Variants in SUGCT observed in about 807,000 individuals in gnomAD.
The protein encoded by SUGCT is succinyl-CoA:glutarate-CoA transferase.
SUGCT carries 41 observed loss-of-function variants against 55.0 expected under a neutral mutation model. The ratio of observed to expected loss-of-function variants is 0.74; its 90% CI spans 0.58 to 0.97. SUGCT has a LOEUF of 0.97. Ranked by LOEUF, SUGCT falls within the 50% of genes least tolerant of loss-of-function variation. SUGCT has a pLI of 0.00. For missense variants in SUGCT, 568 were observed against 547.8 expected, an observed-to-expected ratio of 1.04 and a Z score of -0.37; for synonymous variants, 187 against 200.4, an observed-to-expected ratio of 0.93 and a Z score of 0.56.
At chr7:40,727,846 A>T (rs1786683926) in intron 12 of SUGCT, among the ~76,000 whole-genome samples, 1 of 152,194 alleles carries the variant, frequency 6.6e-6, no homozygotes, top group African/African-American at 2.4e-5. Context: ...TTATTCATAT[A>T]AAATTACATT....
chr7:40,491,652 G>T (rs77824488), intron 11 of SUGCT, among the ~76,000 whole-genome samples: 8,193 of 143,242 alleles, frequency 0.057, 370 homozygotes, highest in African/African-American at 0.13. Context: ...AAGAGTACTG[G>T]GAGTGTCAAA....
chr7:40,379,565 CT>C (rs1369330399), intron 9 of SUGCT, among the ~76,000 whole-genome samples: 1 of 152,084 alleles, frequency 6.6e-6, no homozygotes, highest in Non-Finnish European at 1.5e-5. Flanking sequence ...TGAACTAAAT[CT>C]GTAAAGTTTA....
chr7:40,525,553 A>G (rs1404486755), intron 12 of SUGCT, among the ~76,000 whole-genome samples: 1 of 152,074 alleles, frequency 6.6e-6, no homozygotes, highest in Non-Finnish European at 1.5e-5. Context: ...GATAGTGTGA[A>G]GGAAGTTGGA....
chr7:40,173,857 A>G (rs1784796209), intron 1 of SUGCT, among the ~76,000 whole-genome samples: 1 of 149,116 alleles, frequency 6.7e-6, no homozygotes, highest in Middle Eastern at 3.6e-3. Flanking sequence ...TAAATTATAT[A>G]TAATGTATTA....
intron 12 of SUGCT, among the ~76,000 whole-genome samples, chr7:40,729,562 G>A (rs1458394256): frequency 6.6e-6 from 1 of 152,184 alleles, no homozygotes; most frequent in African/African-American, 2.4e-5. Flanking sequence ...TTTTGAAAGA[G>A]TGTGCTGTTC....
At chr7:40,573,899 C>T (rs1231796061) in intron 12 of SUGCT, among the ~76,000 whole-genome samples, 1 of 152,194 alleles carries the variant, frequency 6.6e-6, no homozygotes, top group Non-Finnish European at 1.5e-5. Context: ...TTACTTTCTC[C>T]ATTTTCTTCT....
intron 12 of SUGCT, among the ~76,000 whole-genome samples, chr7:40,555,306 T>G (rs2151648765): frequency 6.6e-6 from 1 of 152,012 alleles, no homozygotes; most frequent in East Asian, 1.9e-4. Context: ...TTTGTCTTTT[T>G]TTTTTTTTCT....
At chr7:40,738,858 T>C (rs1787314794) in intron 12 of SUGCT, among the ~76,000 whole-genome samples, 1 of 152,206 alleles carries the variant, frequency 6.6e-6, no homozygotes, top group Non-Finnish European at 1.5e-5. Flanking sequence ...CATTATTCCT[T>C]GTCACAAACA....
At chr7:40,347,772 A>G (rs1797397758) in intron 9 of SUGCT, among the ~76,000 whole-genome samples, 1 of 152,226 alleles carries the variant, frequency 6.6e-6, no homozygotes, top group Non-Finnish European at 1.5e-5. Context: ...CACACCATAT[A>G]TATTGCACTG....
At chr7:40,633,024 A>G (rs1362004538) in intron 12 of SUGCT, among the ~76,000 whole-genome samples, 2 of 152,210 alleles carry the variant, frequency 1.3e-5, no homozygotes, top group Non-Finnish European at 2.9e-5. Flanking sequence ...TGGGAACACA[A>G]TATGTGCAAG....
chr7:40,919,090 A>C, the SUGCT span, among the ~76,000 whole-genome samples: 1 of 152,104 alleles, frequency 6.6e-6, no homozygotes, highest in Non-Finnish European at 1.5e-5. Flanking sequence ...TTTCCTCTCT[A>C]CTCATTCTAA....
intron 11 of SUGCT, among the ~76,000 whole-genome samples, chr7:40,472,393 A>AC (rs1170714420): frequency 1.3e-5 from 2 of 152,164 alleles, no homozygotes; most frequent in African/African-American, 4.8e-5. Flanking sequence ...AATGCTTATT[A>AC]CATCAGACTA....
At chr7:40,365,581 C>A (rs1420712230) in intron 9 of SUGCT, among the ~76,000 whole-genome samples, 2 of 152,050 alleles carry the variant, frequency 1.3e-5, no homozygotes, top group Non-Finnish European at 2.9e-5. Context: ...GATACAAAAT[C>A]AATGTACAAA....
intron 9 of SUGCT, among the ~76,000 whole-genome samples, chr7:40,410,953 A>G (rs1786641595): frequency 6.6e-6 from 1 of 152,180 alleles, no homozygotes; most frequent in African/African-American, 2.4e-5. Context: ...TATAAGGTGA[A>G]TCTTTTTGGT....
chr7:40,424,608 G>A (rs763658643), intron 9 of SUGCT, among the ~76,000 whole-genome samples: 3 of 152,134 alleles, frequency 2.0e-5, no homozygotes, highest in Non-Finnish European at 2.9e-5. Context: ...ATTCGTAGCC[G>A]ATGAAGTTGC....
rs149707377 is a variant in SUGCT, at chr7:40,248,985, A to G, written c.576+11259A>G. Among the ~76,000 whole-genome samples, 39 of 150,754 alleles carry G rather than the reference A, an allele frequency of 2.6e-4. No homozygotes were observed. In the East Asian group the frequency reaches 7.3e-3, roughly 28 times the overall value. On this transcript the variant is annotated intron_variant, in intron 7 of 13. Transcript: ENST00000335693. ...TCTTAAAAATTCAACTGTATTTGCT[A>G]TGGGTTAAAATACATGTTCCCTGGG...
intron 12 of SUGCT, among the ~76,000 whole-genome samples, chr7:40,516,881 G>C (rs1014729290): frequency 6.6e-6 from 1 of 151,966 alleles, no homozygotes; most frequent in Non-Finnish European, 1.5e-5. Flanking sequence ...CTGGGATTTT[G>C]TTAGGAATTG....
chr7:41,032,877 C>T, the SUGCT span, among the ~76,000 whole-genome samples: 1 of 152,222 alleles, frequency 6.6e-6, no homozygotes. Context: ...GATTCTCCTG[C>T]CTCAGCCTCC....
intron 12 of SUGCT, among the ~76,000 whole-genome samples, chr7:40,627,954 A>G (rs932098958): frequency 6.6e-6 from 1 of 152,232 alleles, no homozygotes; most frequent in African/African-American, 2.4e-5. Flanking sequence ...TTATTTGAAT[A>G]TAACAGTTAT....
Sources: allele counts gnomAD v4.1 joint callset (sites outside exome capture counted in the v4.1 genomes callset), GRCh38; gene constraint gnomAD v4.1.1; transcripts MANE v1.5; gene names NCBI Gene and HGNC (gene_info 2026-07-23, HGNC 2026-07-21).